RPS6KA2: variants seen among roughly 807,000 people sequenced by gnomAD.
RPS6KA2 encodes the protein ribosomal protein S6 kinase A2.
In RPS6KA2, 42 loss-of-function variants were observed where a neutral mutation model predicts 91.8. The observed-to-expected ratio is 0.46, with a 90% confidence interval of 0.36 to 0.59. The LOEUF (loss-of-function observed/expected upper bound fraction) is 0.59, where lower values mean the gene tolerates loss of function less well. Ranked by LOEUF, RPS6KA2 falls within the 20% of genes least tolerant of loss-of-function variation. RPS6KA2 has a pLI of 0.00. For missense variants in RPS6KA2, 798 were observed against 978.5 expected (o/e 0.82, Z 2.46); for synonymous variants, 414 against 393.6 (o/e 1.05, Z -0.61).
intron 12 of RPS6KA2, among the ~76,000 whole-genome samples, chr6:166,455,722 G>A (rs780837712): frequency 6.6e-6 from 1 of 152,226 alleles, no homozygotes; most frequent in Non-Finnish European, 1.5e-5. Flanking sequence ...GCTCGAGGAG[G>A]AGGCGCTCCT....
chr6:166,471,277 A>G (rs12199759), intron 10 of RPS6KA2, among the ~76,000 whole-genome samples: 27,701 of 152,166 alleles, frequency 0.18, 2,587 homozygotes, highest in Non-Finnish European at 0.19. Context: ...ACCGGGAGTC[A>G]CAGCAGATGG....
chr6:166,471,333 C>A (rs1280012581), intron 10 of RPS6KA2, among the ~76,000 whole-genome samples: 2 of 152,224 alleles, frequency 1.3e-5, no homozygotes, highest in Non-Finnish European at 2.9e-5. Context: ...CCTCCCACCC[C>A]TCCATTCCGC....
intron 10 of RPS6KA2, among the ~76,000 whole-genome samples, chr6:166,487,149 A>G (rs1781441141): frequency 6.6e-6 from 1 of 152,216 alleles, no homozygotes; most frequent in African/African-American, 2.4e-5. Flanking sequence ...TCTGGAAGTA[A>G]CACTTCTGGG....
At chr6:166,748,591 TTTCCTCAGG>T (rs1791115639) in intron 2 of RPS6KA2, among the ~76,000 whole-genome samples, 10 of 25,270 alleles carry the variant, frequency 4.0e-4, no homozygotes, top group East Asian at 3.2e-3. Context: ...CGGGCCCCCA[TTTCCTCAGG>T]CCCCCATTTC....
chr6:166,471,084 G>A (rs975621890), intron 10 of RPS6KA2, among the ~76,000 whole-genome samples: 2 of 152,176 alleles, frequency 1.3e-5, no homozygotes, highest in South Asian at 2.1e-4. Context: ...GTTCCTTTCC[G>A]CTGCCAACTC....
chr6:166,464,715 A>G (rs1780457306), intron 11 of RPS6KA2, among the ~76,000 whole-genome samples: 1 of 152,214 alleles, frequency 6.6e-6, no homozygotes, highest in African/African-American at 2.4e-5. Flanking sequence ...GGAAAAACCA[A>G]CACAGCTTCT....
intron 2 of RPS6KA2, among the ~76,000 whole-genome samples, chr6:166,698,691 A>T (rs1789423677): frequency 6.6e-6 from 1 of 152,198 alleles, no homozygotes; most frequent in South Asian, 2.1e-4. Flanking sequence ...TAGAGTAGTT[A>T]CTGCCTCTCT....
In RPS6KA2 at chr6:166,725,814, G is replaced by A. The variant is rs188839918; in HGVS notation, c.123+132386C>T. ...CACAGAGACTGGCTCCAGGTATGCC[G>A]GGCAGGGAGGCTCCTGGCGGCGCAG... On this transcript the variant is annotated intron_variant, in intron 2 of 21. Transcript: ENST00000503859. Among the ~76,000 whole-genome samples, 13 of 152,338 alleles carry A rather than the reference G, an allele frequency of 8.5e-5. No individual in the cohort carries two copies. In the East Asian group the frequency reaches 2.3e-3, roughly 27 times the overall value.
chr6:166,416,021 G>T (rs754639175), intron 19 of RPS6KA2, among the ~76,000 whole-genome samples: 1 of 2,624 alleles, frequency 3.8e-4, no homozygotes, highest in Non-Finnish European at 7.9e-4. Flanking sequence ...CCACCATTAC[G>T]CTCACCATCA....
At chr6:166,421,930 T>G (rs1467825948) in intron 17 of RPS6KA2, among the ~76,000 whole-genome samples, 1 of 152,174 alleles carries the variant, frequency 6.6e-6, no homozygotes, top group Non-Finnish European at 1.5e-5. Flanking sequence ...GACGGAGTCC[T>G]GCTCTTTCAA....
At chr6:166,745,344 G>T (rs1442890910) in intron 2 of RPS6KA2, among the ~76,000 whole-genome samples, 2 of 152,030 alleles carry the variant, frequency 1.3e-5, no homozygotes, top group Admixed American at 6.6e-5. Flanking sequence ...TAGAAATGGG[G>T]TTTTACCATG....
At chr6:166,804,170 T>TA (rs35887397) in intron 2 of RPS6KA2, among the ~76,000 whole-genome samples, 56,622 of 150,284 alleles carry the variant, frequency 0.38, 11,088 homozygotes, top group East Asian at 0.55. Flanking sequence ...TGTAAATTAG[T>TA]AAAAAAAAAA....
At chr6:166,504,713 G>A in intron 5 of RPS6KA2, 101 bp from the exon 6 acceptor site, 1 of 804,148 alleles carries the variant, frequency 1.2e-6, no homozygotes, top group South Asian at 1.7e-5. Context: ...AGTCCACACT[G>A]GGGTCAGTTT....
chr6:166,595,344 G>C (rs895449757), intron 1 of RPS6KA2, among the ~76,000 whole-genome samples: 4 of 152,322 alleles, frequency 2.6e-5, no homozygotes, highest in African/African-American at 9.6e-5. Context: ...GAGCCACCGT[G>C]CCCAGCCAAA....
chr6:166,417,620 T>TACACACAC (rs10568123), intron 19 of RPS6KA2, among the ~76,000 whole-genome samples: 3,217 of 148,562 alleles, frequency 0.022, 109 homozygotes, highest in African/African-American at 0.075. Context: ...TCTCTCTCTA[T>TACACACAC]ACACACACAC....
chr6:166,776,160 C>G (rs568926761), intron 2 of RPS6KA2, among the ~76,000 whole-genome samples: 4 of 152,302 alleles, frequency 2.6e-5, no homozygotes, highest in Admixed American at 2.0e-4. Context: ...GCTTAGAGGA[C>G]TTCTACTTCC....
At chr6:166,844,383 T>G (rs1854236) in intron 2 of RPS6KA2, among the ~76,000 whole-genome samples, 83,621 of 151,994 alleles carry the variant, frequency 0.55, 25,078 homozygotes, top group Middle Eastern at 0.73. Flanking sequence ...CCAGCCTTGC[T>G]AGAGATCTAG....
At chr6:166,730,751 T>C (rs1256240459) in intron 2 of RPS6KA2, among the ~76,000 whole-genome samples, 1 of 152,214 alleles carries the variant, frequency 6.6e-6, no homozygotes, top group Non-Finnish European at 1.5e-5. Flanking sequence ...AATCAAAGAA[T>C]ACGCAAATTT....
At chr6:166,627,299 C>T (rs1035102997), upstream of RPS6KA2, 62 of 895,730 alleles carry the variant, frequency 6.9e-5, no homozygotes, top group African/African-American at 6.9e-4. Flanking sequence ...ACCACCACTA[C>T]CACCAATCAG....
Sources: gnomAD v4.1 joint callset for allele counts (sites outside exome capture counted in the v4.1 genomes callset) on GRCh38, gnomAD v4.1.1 for gene constraint, MANE v1.5 for transcripts, NCBI Gene and HGNC (gene_info 2026-07-23, HGNC 2026-07-21) for gene names.